Variants in MAPK10 observed in about 807,000 individuals in gnomAD.
The protein encoded by MAPK10 is mitogen-activated protein kinase 10.
Under a neutral mutation model 59.3 loss-of-function variants are expected in MAPK10, and 25 were observed. That is an observed-to-expected ratio of 0.42 (90% CI 0.31 to 0.59). The LOEUF (loss-of-function observed/expected upper bound fraction) is 0.59, where lower values mean the gene tolerates loss of function less well. MAPK10 is among the 20% of genes least tolerant of loss of function. The pLI is 0.15. For synonymous variants in MAPK10, 190 were observed against 200.5 expected (o/e 0.95, Z 0.44); for missense variants, 351 against 568.9 (o/e 0.62, Z 3.90).
At chr4:86,042,139 A>C (rs1441192634) in intron 11 of MAPK10, among the ~76,000 whole-genome samples, 5 of 152,240 alleles carry the variant, frequency 3.3e-5, no homozygotes, top group Admixed American at 3.3e-4. Context: ...TGCAGCAATA[A>C]AAAAGAATGA....
At chr4:86,039,800 G>T (rs571650896) in intron 11 of MAPK10, among the ~76,000 whole-genome samples, 2 of 152,266 alleles carry the variant, frequency 1.3e-5, no homozygotes, top group African/African-American at 4.8e-5. Flanking sequence ...GTCTGCCCTT[G>T]TGTACCCAGG....
chr4:86,050,433 A>G (rs1278932094), intron 11 of MAPK10, among the ~76,000 whole-genome samples: 3 of 152,146 alleles, frequency 2.0e-5, no homozygotes, highest in Non-Finnish European at 4.4e-5. Context: ...TGAGACTTTG[A>G]GTCCATGTCC....
intron 2 of MAPK10, among the ~76,000 whole-genome samples, chr4:86,323,109 G>T (rs1359458922): frequency 6.6e-6 from 1 of 152,216 alleles, no homozygotes; most frequent in Non-Finnish European, 1.5e-5. Context: ...GGGAGGCGAA[G>T]GTTGCAGTGA....
At chr4:86,200,610 T>C (rs2082401671) in intron 2 of MAPK10, among the ~76,000 whole-genome samples, 2 of 151,970 alleles carry the variant, frequency 1.3e-5, no homozygotes, top group African/African-American at 4.8e-5. Context: ...TATGATCATT[T>C]ATGAACGTGT....
intron 3 of MAPK10, 99 bp from the exon 4 acceptor site, chr4:86,159,566 A>T: frequency 5.3e-6 from 5 of 946,942 alleles, no homozygotes; most frequent in Non-Finnish European, 6.3e-6. Context: ...ACTGACACTT[A>T]GCCATCTATC....
intron 1 of MAPK10, among the ~76,000 whole-genome samples, chr4:86,589,405 G>A (rs1490526766): frequency 6.6e-6 from 1 of 152,136 alleles, no homozygotes; most frequent in African/African-American, 2.4e-5. Flanking sequence ...ATGTGAGCGG[G>A]CACAATGGTC....
At chr4:86,567,439 C>T (rs1761141178) in intron 1 of MAPK10, among the ~76,000 whole-genome samples, 2 of 152,118 alleles carry the variant, frequency 1.3e-5, no homozygotes, top group Non-Finnish European at 2.9e-5. Flanking sequence ...AGGCTGGTCT[C>T]GAACTCCTAA....
chr4:86,028,933 T>C, intron 13 of MAPK10: 1 of 472,064 alleles, frequency 2.1e-6, no homozygotes, highest in Admixed American at 3.1e-5. Context: ...CTTTAGCCCA[T>C]GTTAACATTT....
intron 4 of MAPK10, among the ~76,000 whole-genome samples, chr4:86,117,270 A>T (rs1449809095): frequency 6.6e-6 from 1 of 152,182 alleles, no homozygotes; most frequent in Admixed American, 6.6e-5. Flanking sequence ...ATACACGCAT[A>T]CATACATATA....
intron 4 of MAPK10, among the ~76,000 whole-genome samples, chr4:86,135,929 G>A (rs1473949318): frequency 3.3e-5 from 5 of 152,172 alleles, no homozygotes; most frequent in Middle Eastern, 3.2e-3. Context: ...GGAAGAAAGG[G>A]TATCAGCAAT....
chr4:86,498,811 C>A (rs1268979997), intron 1 of MAPK10, among the ~76,000 whole-genome samples: 1 of 152,142 alleles, frequency 6.6e-6, no homozygotes, highest in African/African-American at 2.4e-5. Context: ...CTTAACAGCC[C>A]TTTTCCTTTC....
chr4:86,486,341 G>C (rs1214434001), intron 1 of MAPK10, among the ~76,000 whole-genome samples: 1 of 152,004 alleles, frequency 6.6e-6, no homozygotes, highest in African/African-American at 2.4e-5. Context: ...AACCACACTG[G>C]GGAGTAGAGA....
intron 1 of MAPK10, among the ~76,000 whole-genome samples, chr4:86,504,401 GATT>G (rs1326391518): frequency 6.6e-6 from 1 of 152,020 alleles, no homozygotes; most frequent in African/African-American, 2.4e-5. Context: ...ACATCCTTCC[GATT>G]ATTGTCTGTA....
At chr4:86,495,591 A>G (rs1754814490) in intron 1 of MAPK10, among the ~76,000 whole-genome samples, 2 of 152,232 alleles carry the variant, frequency 1.3e-5, no homozygotes, top group African/African-American at 4.8e-5. Flanking sequence ...TGTCTCATAA[A>G]TATTACAAAT....
In MAPK10 at chr4:86,013,970, A is replaced by C. The variant is rs1216805881; in HGVS notation, c.*3258T>G. ...CGCTGACCCACAAAACACATATAAA[A>C]ATAGTAAAGACATATTAATAGTAAA... On this transcript the variant is annotated 3_prime_UTR_variant, in exon 14 of 14. Transcript: ENST00000641462. 6.6e-6 allele frequency: 1 copy of C among 152,254 alleles called. No homozygotes were observed. The highest frequency in any genetic ancestry group is 2.4e-5 in the African/African-American group (1 of 41,458). 9.4% of individuals were successfully genotyped at this position (152,254 alleles called of 1,614,324 possible).
chr4:86,021,382 G>T (rs552987020), intron 13 of MAPK10, among the ~76,000 whole-genome samples: 6 of 149,990 alleles, frequency 4.0e-5, no homozygotes, highest in Admixed American at 1.3e-4. Context: ...AGACATAAAG[G>T]TTCTCCAAGG....
At position 86,076,696 on chromosome 4, in the gene MAPK10, A is replaced by C. The variant is rs142264108; in HGVS notation, c.803-8741T>G. On this transcript the variant is annotated intron_variant, in intron 9 of 13. Transcript: ENST00000641462. Reference sequence around the variant, plus strand: ...AATTTTATCAATATTTTATATAGAAAATAAGGTGATTTTTAAATGGGAAAA... The same window carrying C: ...AATTTTATCAATATTTTATATAGAACATAAGGTGATTTTTAAATGGGAAAA... 5.5e-3 allele frequency among the ~76,000 whole-genome samples: 840 copies of C among 152,310 alleles called. 4 individuals carry two copies. Among genetic ancestry groups the C allele is most frequent in the Non-Finnish European group, 8.3e-3 (567 of 68,028 alleles).
At chr4:86,210,905 A>C (rs1198656032) in intron 2 of MAPK10, among the ~76,000 whole-genome samples, 2 of 151,858 alleles carry the variant, frequency 1.3e-5, no homozygotes, top group Non-Finnish European at 2.9e-5. Context: ...AAGGAAAAAA[A>C]AGAAATTCTA....
intron 2 of MAPK10, among the ~76,000 whole-genome samples, chr4:86,319,950 A>G (rs966354828): frequency 6.6e-6 from 1 of 152,184 alleles, no homozygotes; most frequent in Non-Finnish European, 1.5e-5. Context: ...TGACTTCCAA[A>G]ATATACCACT....
Sources: allele counts gnomAD v4.1 joint callset (sites outside exome capture counted in the v4.1 genomes callset), GRCh38; gene constraint gnomAD v4.1.1; transcripts MANE v1.5; gene names NCBI Gene and HGNC (gene_info 2026-07-23, HGNC 2026-07-21).